TPCN1: variants seen among roughly 807,000 people sequenced by gnomAD.
TPCN1 encodes two pore segment channel 1, also known as two pore channel protein 1.
TPCN1 carries 52 observed loss-of-function variants against 108.8 expected under a neutral mutation model. That is an observed-to-expected ratio of 0.48 (90% CI 0.38 to 0.60). The LOEUF (loss-of-function observed/expected upper bound fraction) is 0.60, where lower values mean the gene tolerates loss of function less well. Among genes scored for constraint, TPCN1 ranks in the 20% least tolerant of loss-of-function variants. The probability of loss-of-function intolerance (pLI) is 0.00; values close to 1 mark genes in which losing one functional copy is unlikely to be tolerated. For missense variants in TPCN1, 806 were observed against 1,072.8 expected (o/e 0.75, Z 3.47); for synonymous variants, 446 against 433.7 (o/e 1.03, Z -0.35).
rs779504271 is a variant in TPCN1 at position 113,267,825 on chromosome 12, C to T, written c.415-18C>T. On this transcript the variant is annotated intron_variant, in intron 4 of 27. Coordinates refer to ENST00000335509, the MANE Select transcript of TPCN1 (RefSeq NM_017901.6). ...GGCTGGGCTGGCCATGACACATCTC[C>T]ACACCCTCTGGTCTCAGGTCCACGC... 5 of 1,591,142 alleles carry T rather than the reference C, an allele frequency of 3.1e-6. No individual in the cohort carries two copies. In the Admixed American group the frequency reaches 6.7e-5, roughly 21 times the overall value.
intron 18 of TPCN1, 72 bp downstream of exon 18, chr12:113,286,033 C>G (rs1254353348): frequency 2.6e-5 from 35 of 1,348,954 alleles, no homozygotes; most frequent in Non-Finnish European, 3.4e-5. Context: ...CTCTGCACAC[C>G]CTGATCCCGG....
intron 2 of TPCN1, among the ~76,000 whole-genome samples, chr12:113,259,064 C>T (rs1302868506): frequency 6.6e-6 from 1 of 151,842 alleles, no homozygotes; most frequent in Admixed American, 6.6e-5. Flanking sequence ...GCAACCTCCG[C>T]CTCCCAGGTT....
In TPCN1 at chr12:113,269,718, C is replaced by A; in HGVS notation, c.660-39C>A. 6.3e-7 allele frequency: 1 copy of A among 1,595,006 alleles called. No homozygotes were observed. Among genetic ancestry groups the A allele is most frequent in the Middle Eastern group, 1.7e-4 (1 of 6,018 alleles). On this transcript the variant is annotated intron_variant, in intron 6 of 27. Transcript: ENST00000335509. The surrounding 1 kb of genome is among the most constrained non-coding windows in gnomAD (Gnocchi z 5.0). ...AGGAGGAGTCCCAGGCAGCCCGCCC[C>A]AGCTGGTGCCTCCCCTGAGCTGGCC...
At chr12:113,286,925 G>A in intron 18 of TPCN1, 62 bp from the exon 19 acceptor site, 1 of 1,228,990 alleles carries the variant, frequency 8.1e-7, no homozygotes, top group Non-Finnish European at 1.2e-6. Flanking sequence ...GGGCCAGGGA[G>A]GGGAGCAGGC....
At chr12:113,264,250 C>T (rs1330874506) in intron 3 of TPCN1, among the ~76,000 whole-genome samples, 1 of 152,138 alleles carries the variant, frequency 6.6e-6, no homozygotes, top group Non-Finnish European at 1.5e-5. Context: ...CATGCCTGCC[C>T]CTGCCGGGTT....
At position 113,231,481 on chromosome 12, in the gene TPCN1, T is replaced by G. The variant is rs1953684786; in HGVS notation, c.112+4517T>G. Among the ~76,000 whole-genome samples, 2 of 152,150 alleles carry G rather than the reference T, an allele frequency of 1.3e-5. No homozygotes were observed. The highest frequency in any genetic ancestry group is 4.8e-5 in the African/African-American group (2 of 41,424). The stretch of plus-strand genomic sequence containing the variant: ...ACCTTAATCACCTTTAAAGGCCCTT[T>G]CTCCAAAGACAGTCACATTCTGAGC... On this transcript the variant is annotated intron_variant, in intron 2 of 27. Transcript: ENST00000335509. The surrounding 1 kb of genome is among the most constrained non-coding windows in gnomAD (Gnocchi z 4.3).
intron 14 of TPCN1, 121 bp from the exon 15 acceptor site, chr12:113,280,030 G>C: frequency 1.4e-6 from 1 of 717,952 alleles, no homozygotes. Context: ...ATGCTTACCT[G>C]CATGCACGAA....
At chr12:113,230,726 G>C (rs1953657200) in intron 2 of TPCN1, among the ~76,000 whole-genome samples, 2 of 152,158 alleles carry the variant, frequency 1.3e-5, no homozygotes, top group African/African-American at 4.8e-5. Flanking sequence ...GAAGCGCTGG[G>C]ATTACAGGCA....
chr12:113,290,003 A>G, intron 21 of TPCN1, 125 bp from the exon 22 acceptor site: 1 of 641,138 alleles, frequency 1.6e-6, no homozygotes, highest in South Asian at 1.9e-5. Flanking sequence ...TAGGCAGGAA[A>G]CCAGGCTGCG....
chr12:113,223,961 C>T (rs1165159945), intron 1 of TPCN1, among the ~76,000 whole-genome samples: 1 of 152,116 alleles, frequency 6.6e-6, no homozygotes, highest in Non-Finnish European at 1.5e-5. Flanking sequence ...TCTAAGAGAA[C>T]AACTCCTATA....
intron 12 of TPCN1, among the ~76,000 whole-genome samples, chr12:113,277,969 G>A (rs561552393): frequency 6.6e-6 from 1 of 152,274 alleles, no homozygotes; most frequent in African/African-American, 2.4e-5. Flanking sequence ...CATCGGTGGA[G>A]ACTTAAGTGG....
At chr12:113,229,991 G>A (rs142009400) in intron 2 of TPCN1, among the ~76,000 whole-genome samples, 64 of 152,272 alleles carry the variant, frequency 4.2e-4, no homozygotes, top group African/African-American at 1.5e-3. Context: ...CATTTAGTTC[G>A]GTGAATCCCC....
intron 10 of TPCN1, among the ~76,000 whole-genome samples, chr12:113,276,271 A>G (rs1403289622): frequency 6.6e-6 from 1 of 152,216 alleles, no homozygotes; most frequent in African/African-American, 2.4e-5. Flanking sequence ...AACATTTTTA[A>G]AGACAGAGAA....
intron 2 of TPCN1, among the ~76,000 whole-genome samples, chr12:113,248,969 G>A (rs556398397): frequency 2.0e-5 from 3 of 152,314 alleles, no homozygotes; most frequent in Non-Finnish European, 4.4e-5. Context: ...AGGGGAGCTG[G>A]TGAGAGCGAG....
chr12:113,291,712 C>T (rs773346874), intron 24 of TPCN1, 35 bp downstream of exon 24: 58 of 1,605,200 alleles, frequency 3.6e-5, no homozygotes, highest in African/African-American at 4.0e-5. Flanking sequence ...CTTTGTCCTT[C>T]GTCTTCCACA....
intron 2 of TPCN1, 137 bp downstream of exon 2, chr12:113,227,101 C>T: frequency 1.4e-6 from 1 of 690,680 alleles, no homozygotes; most frequent in South Asian, 1.9e-5. Context: ...AGTTCTGATA[C>T]AGAAACTACT....
chr12:113,260,866 G>C (rs1955004543), intron 3 of TPCN1, among the ~76,000 whole-genome samples: 1 of 151,572 alleles, frequency 6.6e-6, no homozygotes, highest in Non-Finnish European at 1.5e-5. Context: ...CTGCTTTCCT[G>C]TTTGCTATTT....
intron 2 of TPCN1, among the ~76,000 whole-genome samples, chr12:113,253,654 A>G (rs1566159754): frequency 6.6e-6 from 1 of 152,176 alleles, no homozygotes; most frequent in East Asian, 1.9e-4. Flanking sequence ...CGGTTCCACA[A>G]GTAAGTGCCC....
chr12:113,239,303 C>A (rs1428465582), intron 2 of TPCN1, among the ~76,000 whole-genome samples: 1 of 152,160 alleles, frequency 6.6e-6, no homozygotes, highest in Non-Finnish European at 1.5e-5. Context: ...TTGTGAGTTT[C>A]TTTCTTGTGT....
Sources: allele counts gnomAD v4.1 joint callset (sites outside exome capture counted in the v4.1 genomes callset), GRCh38; gene constraint gnomAD v4.1.1; non-coding constraint Gnocchi (gnomAD v3.1); transcripts MANE v1.5; gene names NCBI Gene and HGNC (gene_info 2026-07-23, HGNC 2026-07-21).